SLC35F1: variants seen among roughly 807,000 people sequenced by gnomAD.
SLC35F1 encodes solute carrier family 35 member F1.
SLC35F1 carries 14 observed loss-of-function variants against 48.7 expected under a neutral mutation model. The observed-to-expected ratio is 0.29, with a 90% CI of 0.19 to 0.45. SLC35F1 has a LOEUF of 0.45. Ranked by LOEUF, SLC35F1 falls within the 20% of genes least tolerant of loss-of-function variation. The pLI is 1.00. For missense variants in SLC35F1, 404 were observed against 500.0 expected, an observed-to-expected ratio of 0.81 and a Z score of 1.83; for synonymous variants, 190 against 202.2, an observed-to-expected ratio of 0.94 and a Z score of 0.51.
Position 118,156,558 on chromosome 6 carries a change from G to T in SLC35F1, c.349+1938G>T, listed in dbSNP as rs1478757799. On this transcript the variant is annotated intron_variant, in intron 2 of 7. Transcript: ENST00000360388. Reference sequence around the variant, plus strand: ...GGGCTGGGGGAGGGATAGCATTAGGGAAAATATCTAATGTAAATGACGAGT... The same window carrying T: ...GGGCTGGGGGAGGGATAGCATTAGGTAAAATATCTAATGTAAATGACGAGT... Among the ~76,000 whole-genome samples, 6 of 151,992 alleles carry T rather than the reference G, an allele frequency of 3.9e-5. No individual in the cohort carries two copies. In the East Asian group the frequency reaches 1.2e-3, roughly 29 times the overall value.
intron 1 of SLC35F1, among the ~76,000 whole-genome samples, chr6:118,081,959 C>T (rs979943412): frequency 3.9e-5 from 6 of 152,168 alleles, no homozygotes; most frequent in African/African-American, 1.4e-4. Context: ...TTTAAAGACC[C>T]AAGGAATGAA....
intron 1 of SLC35F1, among the ~76,000 whole-genome samples, chr6:118,089,953 A>T (rs1242597711): frequency 6.6e-6 from 1 of 152,210 alleles, no homozygotes; most frequent in African/African-American, 2.4e-5. Flanking sequence ...TTAAAACAGC[A>T]GCTGGTAATG....
chr6:118,020,866 G>A (rs963896522), intron 1 of SLC35F1, among the ~76,000 whole-genome samples: 1 of 152,104 alleles, frequency 6.6e-6, no homozygotes, highest in African/African-American at 2.4e-5. Context: ...GCACTTTGTA[G>A]TTATCTGAGA....
At chr6:118,111,239 G>A (rs2114382811) in intron 1 of SLC35F1, among the ~76,000 whole-genome samples, 1 of 152,214 alleles carries the variant, frequency 6.6e-6, no homozygotes, top group African/African-American at 2.4e-5. Context: ...GATCAAGGAA[G>A]CTCAGAGAAC....
At chr6:118,015,051 T>G (rs1229227591) in intron 1 of SLC35F1, among the ~76,000 whole-genome samples, 1 of 152,218 alleles carries the variant, frequency 6.6e-6, no homozygotes, top group African/African-American at 2.4e-5. Flanking sequence ...TCATGACATC[T>G]CATGGTTTTA....
intron 1 of SLC35F1, among the ~76,000 whole-genome samples, chr6:117,924,004 CAT>C (rs201141158): frequency 0.015 from 2,288 of 150,580 alleles, 31 homozygotes; most frequent in Middle Eastern, 0.025. Context: ...TATACACATA[CAT>C]GTGTGTACGT....
intron 1 of SLC35F1, among the ~76,000 whole-genome samples, chr6:117,921,053 G>GACACAC (rs60793418): frequency 2.1e-4 from 32 of 149,506 alleles, no homozygotes; most frequent in African/African-American, 5.7e-4. Flanking sequence ...ATTTCTCTTT[G>GACACAC]ACACACACAC....
chr6:117,925,997 A>G (rs1396107616), intron 1 of SLC35F1, among the ~76,000 whole-genome samples: 3 of 152,170 alleles, frequency 2.0e-5, no homozygotes, highest in African/African-American at 7.2e-5. Flanking sequence ...CATTGGGTAT[A>G]TGAAAGATCT....
At chr6:118,065,609 A>G (rs1772603424) in intron 1 of SLC35F1, among the ~76,000 whole-genome samples, 1 of 152,236 alleles carries the variant, frequency 6.6e-6, no homozygotes, top group Non-Finnish European at 1.5e-5. Context: ...CTGTAAAAAT[A>G]AAGGTACTGC....
chr6:118,176,758 G>A (rs1774494906), intron 2 of SLC35F1, among the ~76,000 whole-genome samples: 2 of 151,994 alleles, frequency 1.3e-5, no homozygotes, highest in Admixed American at 1.3e-4. Context: ...TTTTGAGCTT[G>A]GGAATAAGCA....
At chr6:118,283,868 A>C (rs568621454) in intron 6 of SLC35F1, among the ~76,000 whole-genome samples, 1 of 152,314 alleles carries the variant, frequency 6.6e-6, no homozygotes, top group South Asian at 2.1e-4. Flanking sequence ...CTTCTGATAG[A>C]GAATTAAAAA....
chr6:118,013,573 AC>A (rs1163952363), intron 1 of SLC35F1, among the ~76,000 whole-genome samples: 1 of 152,164 alleles, frequency 6.6e-6, no homozygotes, highest in East Asian at 1.9e-4. Flanking sequence ...TATCTACCCC[AC>A]CTTTTGTGAG....
At chr6:118,145,684 G>A (rs1773961036) in intron 1 of SLC35F1, among the ~76,000 whole-genome samples, 1 of 152,054 alleles carries the variant, frequency 6.6e-6, no homozygotes, top group African/African-American at 2.4e-5. Flanking sequence ...TAAGTATACA[G>A]TATACCTTAA....
chr6:117,966,864 G>A (rs551684990), intron 1 of SLC35F1, among the ~76,000 whole-genome samples: 4 of 152,280 alleles, frequency 2.6e-5, no homozygotes, highest in Admixed American at 2.6e-4. Context: ...CACATTCTGA[G>A]GTATTGAGAG....
rs530544472 is a variant in SLC35F1 at position 118,118,020 on chromosome 6, T to C, written c.174-36425T>C. ...AATTCCTTGCAGTTTTTGGCTGTTA[T>C]GAATAATGCCACTATGAACATTAAC... is the stretch of plus-strand genomic sequence containing the variant. On this transcript the variant is annotated intron_variant, in intron 1 of 7. Coordinates refer to ENST00000360388, the MANE Select transcript of SLC35F1 (RefSeq NM_001029858.4). Among the ~76,000 whole-genome samples the C allele has an allele frequency of 1.6e-4, 25 of 152,332 alleles. No homozygotes were observed. In the Middle Eastern group the frequency reaches 0.01, roughly 62 times the overall value.
Position 118,314,261 on chromosome 6 carries a change from C to T in SLC35F1, c.*9C>T, listed in dbSNP as rs763122584. On this transcript the variant is annotated 3_prime_UTR_variant, in exon 8 of 8. Transcript: ENST00000360388. ...ATGTTCGTGTGGCCTAGGGTGAGGC[C>T]CGCCCTGCCAACTGAGGCCAACTCA... The T allele has an allele frequency of 6.2e-7, 1 of 1,613,164 alleles. No homozygotes were observed. Among genetic ancestry groups the T allele is most frequent in the African/African-American group, 1.3e-5 (1 of 75,018 alleles).
intron 1 of SLC35F1, among the ~76,000 whole-genome samples, chr6:118,123,853 T>A (rs1773587555): frequency 6.6e-6 from 1 of 152,144 alleles, no homozygotes; most frequent in Non-Finnish European, 1.5e-5. Context: ...CAGAACTTCT[T>A]GTAGGAGGAC....
chr6:117,991,226 A>G (rs1776916067), intron 1 of SLC35F1, among the ~76,000 whole-genome samples: 2 of 152,084 alleles, frequency 1.3e-5, no homozygotes, highest in Non-Finnish European at 1.5e-5. Context: ...TATAACTGTG[A>G]TATGATTTTG....
chr6:118,258,018 G>T (rs1775667887), intron 3 of SLC35F1, among the ~76,000 whole-genome samples: 1 of 151,994 alleles, frequency 6.6e-6, no homozygotes, highest in African/African-American at 2.4e-5. Flanking sequence ...TTTTTTTCAT[G>T]AGTTAAGGTA....
Sources: gnomAD v4.1 joint callset for allele counts (sites outside exome capture counted in the v4.1 genomes callset) on GRCh38, gnomAD v4.1.1 for gene constraint, MANE v1.5 for transcripts, NCBI Gene and HGNC (gene_info 2026-07-23, HGNC 2026-07-21) for gene names.